SIPA1L3: variants seen among roughly 807,000 people sequenced by gnomAD.
SIPA1L3 encodes signal-induced proliferation-associated 1-like protein 3.
A neutral mutation model predicts 150.1 loss-of-function variants in SIPA1L3; 59 were observed. That is an observed-to-expected ratio of 0.39 (90% CI 0.32 to 0.49). The LOEUF is 0.49. Among genes scored for constraint, SIPA1L3 ranks in the 20% least tolerant of loss-of-function variants. SIPA1L3 has a pLI of 0.86. For synonymous variants in SIPA1L3, 1,070 were observed against 1,077.6 expected, an observed-to-expected ratio of 0.99 and a Z score of 0.14; for missense variants, 2,211 against 2,489.5, an observed-to-expected ratio of 0.89 and a Z score of 2.38.
At chr19:38,016,161 C>T (rs1968227273) in intron 1 of SIPA1L3, among the ~76,000 whole-genome samples, 1 of 152,218 alleles carries the variant, frequency 6.6e-6, no homozygotes, top group Admixed American at 6.5e-5. Context: ...GAAGGGCTCA[C>T]AGCTTCTGGG....
intron 3 of SIPA1L3, 123 bp from the exon 4 acceptor site, chr19:38,088,598 G>C (rs1232167739): frequency 1.6e-6 from 2 of 1,245,122 alleles, no homozygotes; most frequent in African/African-American, 3.0e-5. Context: ...TGAGGTTTGC[G>C]TGACCAGCAT....
At chr19:37,990,899 G>A (rs2145634984) in intron 1 of SIPA1L3, among the ~76,000 whole-genome samples, 1 of 152,284 alleles carries the variant, frequency 6.6e-6, no homozygotes, top group South Asian at 2.1e-4. Flanking sequence ...GGAAAGTGAG[G>A]CAAAGAGAGG....
intron 2 of SIPA1L3, among the ~76,000 whole-genome samples, chr19:38,079,120 C>T (rs577238024): frequency 6.6e-6 from 1 of 152,296 alleles, no homozygotes; most frequent in South Asian, 2.1e-4. Flanking sequence ...ATCATGAGGT[C>T]AGGAGATCGA....
chr19:38,051,150 C>G (rs560990942), intron 2 of SIPA1L3, among the ~76,000 whole-genome samples: 9 of 152,302 alleles, frequency 5.9e-5, no homozygotes, highest in Non-Finnish European at 1.0e-4. Flanking sequence ...ACTACATTTA[C>G]CAGAGTTTTC....
At chr19:38,150,068 A>G (rs747471246) in intron 12 of SIPA1L3, among the ~76,000 whole-genome samples, 3 of 152,224 alleles carry the variant, frequency 2.0e-5, no homozygotes, top group Non-Finnish European at 4.4e-5. Context: ...TCAGCTAGTA[A>G]GATGAAGATT....
intron 2 of SIPA1L3, among the ~76,000 whole-genome samples, chr19:38,073,885 T>C (rs1159025199): frequency 1.3e-5 from 2 of 152,196 alleles, no homozygotes; most frequent in African/African-American, 4.8e-5. Flanking sequence ...CCAACTGTGC[T>C]TCTGTGGGGG....
intron 1 of SIPA1L3, among the ~76,000 whole-genome samples, chr19:37,982,139 G>A (rs772174874): frequency 6.6e-6 from 1 of 152,208 alleles, no homozygotes; most frequent in Admixed American, 6.5e-5. Flanking sequence ...TTCTCGAATT[G>A]TATCTGTCTG....
intron 15 of SIPA1L3, among the ~76,000 whole-genome samples, chr19:38,172,506 C>T (rs1388655053): frequency 1.3e-5 from 2 of 152,106 alleles, no homozygotes; most frequent in African/African-American, 4.8e-5. Context: ...GCAAAAACAG[C>T]GGGTCTCTGG....
Position 38,082,179 on chromosome 19 carries a change from C to T in SIPA1L3, c.614C>T (p.Thr205Ile), listed in dbSNP as rs1347609174. The T allele has an allele frequency of 1.9e-6, 3 of 1,604,558 alleles. No individual in the cohort carries two copies. The highest frequency in any genetic ancestry group is 1.1e-5 in the South Asian group (1 of 91,086). Residue 205 changes from threonine to isoleucine, a missense_variant, in exon 3 of 22, where the codon ACC (threonine) becomes ATC (isoleucine). Physicochemically the swap from Thr to Ile is moderately conservative, Grantham distance 89. This residue lies in a region of SIPA1L3 where 587 missense variants were observed against 534.5 expected (regional missense o/e 1.10). Transcript: ENST00000222345. ...ALPLFREYGS[T>I]SSIDVQGMPE... ...CCCCTCTTCCGCGAGTACGGGAGCA[C>T]CTCGTCCATCGACGTGCAGGGCATG... is the stretch of plus-strand genomic sequence containing the variant.
At chr19:38,008,304 T>C (rs959955167) in intron 1 of SIPA1L3, among the ~76,000 whole-genome samples, 3 of 139,942 alleles carry the variant, frequency 2.1e-5, no homozygotes, top group African/African-American at 7.8e-5. Context: ...CTCAGCTTAC[T>C]GCAACCTCTG....
chr19:38,198,379 C>T lies in SIPA1L3; in HGVS notation c.4841-10C>T. Reference sequence around the variant, plus strand: ...ACTCAACCACTGCCATCTCCACCCTCCCCATCCAGCCACCATCTCAGCCTC... The same window carrying T: ...ACTCAACCACTGCCATCTCCACCCTTCCCATCCAGCCACCATCTCAGCCTC... On this transcript the variant is annotated splice_polypyrimidine_tract_variant and intron_variant, in intron 18 of 21. Coordinates refer to ENST00000222345, the MANE Select transcript of SIPA1L3 (RefSeq NM_015073.3). The T allele has an allele frequency of 1.3e-6, 2 of 1,534,096 alleles. No homozygotes were observed. The highest frequency in any genetic ancestry group is 1.8e-6 in the Non-Finnish European group (2 of 1,142,420).
chr19:38,163,615 G>A (rs149799950), intron 14 of SIPA1L3, among the ~76,000 whole-genome samples: 1 of 152,126 alleles, frequency 6.6e-6, no homozygotes, highest in East Asian at 1.9e-4. Flanking sequence ...GTGAAGGAAG[G>A]GGGAGGCCCA....
At chr19:38,090,819 C>G (rs953384378) in intron 4 of SIPA1L3, among the ~76,000 whole-genome samples, 4 of 152,214 alleles carry the variant, frequency 2.6e-5, no homozygotes, top group Non-Finnish European at 4.4e-5. Context: ...GGAGTGCCCT[C>G]GCCCCATCCC....
At chr19:38,066,023 T>TTTAA (rs1362731953) in intron 2 of SIPA1L3, among the ~76,000 whole-genome samples, 2 of 147,510 alleles carry the variant, frequency 1.4e-5, no homozygotes, top group Non-Finnish European at 3.0e-5. Flanking sequence ...TATTTATTTA[T>TTTAA]TTATTTTTGA....
intron 4 of SIPA1L3, among the ~76,000 whole-genome samples, chr19:38,097,397 TAGAC>T (rs1429661163): frequency 6.6e-6 from 1 of 152,052 alleles, no homozygotes; most frequent in African/African-American, 2.4e-5. Flanking sequence ...AGTTCAAAAA[TAGAC>T]AGATATAAAT....
chr19:38,140,723 G>A (rs1414427858), intron 10 of SIPA1L3, among the ~76,000 whole-genome samples: 2 of 152,112 alleles, frequency 1.3e-5, no homozygotes, highest in African/African-American at 4.8e-5. Flanking sequence ...GAGCTGGTAA[G>A]TTTCAGACCA....
intron 1 of SIPA1L3, among the ~76,000 whole-genome samples, chr19:37,935,654 C>T (rs1456036269): frequency 1.3e-5 from 2 of 152,090 alleles, no homozygotes; most frequent in Non-Finnish European, 2.9e-5. Flanking sequence ...TGAAATGGCA[C>T]CTTGGGAATG....
intron 12 of SIPA1L3, among the ~76,000 whole-genome samples, chr19:38,152,425 C>T (rs191204067): frequency 8.0e-4 from 122 of 152,328 alleles, no homozygotes; most frequent in African/African-American, 2.7e-3. Context: ...CCCATGAATG[C>T]TTCCCAACCT....
chr19:37,990,033 C>G (rs569468067), intron 1 of SIPA1L3, among the ~76,000 whole-genome samples: 4 of 152,062 alleles, frequency 2.6e-5, no homozygotes, highest in Non-Finnish European at 5.9e-5. Flanking sequence ...GGCCCTCATG[C>G]ATATTTAGGG....
Sources: gnomAD v4.1 joint callset for allele counts (sites outside exome capture counted in the v4.1 genomes callset) on GRCh38, gnomAD v4.1.1 for gene constraint, gnomAD v4.1.1 regional missense constraint, MANE v1.5 for transcripts, NCBI Gene and HGNC (gene_info 2026-07-23, HGNC 2026-07-21) for gene names.